Variants in ARMH4 observed in about 807,000 individuals in gnomAD.
ARMH4 encodes the protein armadillo like helical domain containing 4.
ARMH4 carries 49 observed loss-of-function variants against 61.9 expected under a neutral mutation model. The observed-to-expected ratio is 0.79, with a 90% confidence interval of 0.63 to 1.00. ARMH4 has a LOEUF of 1.00. Ranked by LOEUF, ARMH4 falls within the 50% of genes least tolerant of loss-of-function variation. The pLI, the probability that ARMH4 is intolerant of heterozygous loss-of-function variation, is 0.00. For missense variants in ARMH4, 934 were observed against 930.0 expected (o/e 1.00, Z -0.06); for synonymous variants, 368 against 341.5 (o/e 1.08, Z -0.85).
chr14:58,015,754 T>TAAAAAAAAAAA (rs34004432), intron 5 of ARMH4, among the ~76,000 whole-genome samples: 1 of 136,262 alleles, frequency 7.3e-6, no homozygotes, highest in African/African-American at 2.8e-5. Flanking sequence ...TATTTTTAGT[T>TAAAAAAAAAAA]AAAAAAAAAA....
chr14:58,134,179 C>T (rs1397173616), intron 2 of ARMH4, among the ~76,000 whole-genome samples: 2 of 152,268 alleles, frequency 1.3e-5, no homozygotes, highest in Non-Finnish European at 2.9e-5. Context: ...TTTAGAAAAG[C>T]TAAGGAGCAT....
intron 5 of ARMH4, among the ~76,000 whole-genome samples, chr14:58,023,514 T>C (rs2141151441): frequency 6.6e-6 from 1 of 152,270 alleles, no homozygotes; most frequent in East Asian, 1.9e-4. Flanking sequence ...TGCAGTTACC[T>C]CCTCCAATGA....
intron 5 of ARMH4, among the ~76,000 whole-genome samples, chr14:58,012,926 T>G (rs1429927765): frequency 6.8e-6 from 1 of 147,894 alleles, no homozygotes; most frequent in African/African-American, 2.4e-5. Context: ...TGGTTTGAGT[T>G]TGTTGGTGGT....
chr14:58,025,750 T>C (rs902449068), intron 5 of ARMH4, among the ~76,000 whole-genome samples: 1 of 152,194 alleles, frequency 6.6e-6, no homozygotes, highest in Non-Finnish European at 1.5e-5. Context: ...TATTCTCTAA[T>C]GATGCTAAAT....
At chr14:58,020,831 G>A (rs1347267466) in intron 5 of ARMH4, among the ~76,000 whole-genome samples, 3 of 152,160 alleles carry the variant, frequency 2.0e-5, no homozygotes, top group Non-Finnish European at 4.4e-5. Context: ...ATTATAAGGC[G>A]TTGGCTCATG....
At chr14:58,097,822 C>T (rs910945470) in intron 4 of ARMH4, among the ~76,000 whole-genome samples, 9 of 152,044 alleles carry the variant, frequency 5.9e-5, no homozygotes, top group African/African-American at 9.7e-5. Flanking sequence ...CCTCCTCCCT[C>T]GGCCTCCCAC....
At chr14:58,147,303 T>C (rs1400470851) in intron 1 of ARMH4, among the ~76,000 whole-genome samples, 1 of 149,306 alleles carries the variant, frequency 6.7e-6, no homozygotes, top group Non-Finnish European at 1.5e-5. Context: ...ATCTATTTTA[T>C]ACAATCCAGA....
At chr14:58,044,515 C>G (rs1348678424) in intron 5 of ARMH4, among the ~76,000 whole-genome samples, 2 of 152,110 alleles carry the variant, frequency 1.3e-5, no homozygotes, top group Admixed American at 6.6e-5. Flanking sequence ...AAAAACCCTA[C>G]AAGAAAACCT....
rs1458185241 is a variant in ARMH4 at position 58,001,090 on chromosome 14, AAAG to A, written c.*3643_*3645del. 6 of 152,356 alleles carry A rather than the reference AAAG, an allele frequency of 3.9e-5. No individual in the cohort carries two copies. Among genetic ancestry groups the A allele is most frequent in the African/African-American group, 1.4e-4 (6 of 41,588 alleles). 9.4% of individuals were successfully genotyped at this position (152,356 alleles called of 1,614,324 possible). A position where few individuals can be genotyped will look rare whatever the true frequency, so the allele number is the denominator to read the frequency against. Reference sequence around the variant, plus strand: ...TGAGTTTGATTATTTTGGATACCTCAAAGAAGTGCAATCATGCATTTGTCCTTC... The same window carrying A: ...TGAGTTTGATTATTTTGGATACCTCAAAGTGCAATCATGCATTTGTCCTTC... On this transcript the variant is annotated 3_prime_UTR_variant, in exon 8 of 8. Transcript: ENST00000267485.
In ARMH4 at chr14:58,092,566, CA is replaced by C. The variant is rs532525242; in HGVS notation, c.2089+4157del. The stretch of plus-strand genomic sequence containing the variant: ...GAAATGGGTCTCACTGAGCTAAAAC[CA>C]AGTTATTGGCAGGGTTGCATTCCTT... On this transcript the variant is annotated intron_variant, in intron 5 of 7. Coordinates refer to ENST00000267485, the MANE Select transcript of ARMH4 (RefSeq NM_001001872.4). 1.1e-3 allele frequency among the ~76,000 whole-genome samples: 173 copies of C among 152,264 alleles called. 1 individual carries two copies. Among genetic ancestry groups the C allele is most frequent in the African/African-American group, 3.6e-3 (149 of 41,556 alleles).
chr14:58,112,591 T>C (rs985019976), intron 4 of ARMH4, among the ~76,000 whole-genome samples: 13 of 152,208 alleles, frequency 8.5e-5, no homozygotes, highest in Admixed American at 7.9e-4. Context: ...TTTATGTACA[T>C]ATTTACCAAT....
chr14:58,143,881 C>A (rs938704363), intron 1 of ARMH4, among the ~76,000 whole-genome samples: 4 of 147,960 alleles, frequency 2.7e-5, no homozygotes, highest in Non-Finnish European at 5.9e-5. Flanking sequence ...TGAAGTGATT[C>A]TCCTGCCTCA....
intron 1 of ARMH4, among the ~76,000 whole-genome samples, chr14:58,148,475 G>C (rs2140004869): frequency 6.6e-6 from 1 of 152,222 alleles, no homozygotes; most frequent in South Asian, 2.1e-4. Flanking sequence ...AGCTCCTGTA[G>C]CATGAATTGT....
chr14:58,040,248 C>T (rs903811245), intron 5 of ARMH4, among the ~76,000 whole-genome samples: 1 of 151,928 alleles, frequency 6.6e-6, no homozygotes, highest in African/African-American at 2.4e-5. Context: ...GTTTGGTGTA[C>T]AGATTGTCAC....
At chr14:58,053,318 G>A (rs1383237178) in intron 5 of ARMH4, among the ~76,000 whole-genome samples, 2 of 152,076 alleles carry the variant, frequency 1.3e-5, no homozygotes, top group Non-Finnish European at 2.9e-5. Context: ...GCTATTCCAC[G>A]GCACCCCATT....
Position 58,096,882 on chromosome 14 carries a change from T to A in ARMH4, c.1931A>T (p.Asp644Val), listed in dbSNP as rs942407626. The part of the protein sequence containing the change: ...DEEDKDADSL[D>V]EGLDGDTELP... ...CTCAGTGTCACCATCCAAGCCCTCA[T>A]CCAGCGAGTCTGCATCTTTATCTTC... The change falls in exon 5 of 8, where the codon GAT becomes GTT. Residue 644 changes from aspartate to valine, a missense_variant. Asp to Val is a radical substitution (Grantham distance 152, BLOSUM62 -3). Coordinates refer to ENST00000267485, the MANE Select transcript of ARMH4 (RefSeq NM_001001872.4). The A allele has an allele frequency of 6.2e-7, 1 of 1,614,022 alleles. No homozygotes were observed. Among genetic ancestry groups the A allele is most frequent in the Non-Finnish European group, 8.5e-7 (1 of 1,180,040 alleles).
At chr14:58,095,073 A>G (rs1237190605) in intron 5 of ARMH4, among the ~76,000 whole-genome samples, 1 of 152,170 alleles carries the variant, frequency 6.6e-6, no homozygotes, top group Admixed American at 6.5e-5. Context: ...TAGTTTTCTA[A>G]GACCCTCTAA....
intron 4 of ARMH4, among the ~76,000 whole-genome samples, chr14:58,115,436 G>A (rs1384161221): frequency 6.6e-6 from 1 of 152,168 alleles, no homozygotes; most frequent in Non-Finnish European, 1.5e-5. Context: ...ATGCTGGTGA[G>A]GTTATAGAAA....
intron 4 of ARMH4, among the ~76,000 whole-genome samples, chr14:58,128,702 T>G (rs1246281236): frequency 6.6e-6 from 1 of 152,242 alleles, no homozygotes; most frequent in African/African-American, 2.4e-5. Context: ...TCTCCCACTC[T>G]ACCAATTCAC....
Sources: gnomAD v4.1 joint callset for allele counts (sites outside exome capture counted in the v4.1 genomes callset) on GRCh38, gnomAD v4.1.1 for gene constraint, MANE v1.5 for transcripts, NCBI Gene and HGNC (gene_info 2026-07-23, HGNC 2026-07-21) for gene names.